The following SMG1 variants were observed in gnomAD, a reference collection of about 807,000 sequenced individuals.
SMG1 encodes the protein SMG1 nonsense mediated mRNA decay associated PI3K related kinase, also known as serine/threonine-protein kinase SMG1.
A neutral mutation model predicts 419.9 loss-of-function variants in SMG1; 22 were observed. The observed-to-expected ratio is 0.05, with a 90% CI of 0.04 to 0.07. The LOEUF (loss-of-function observed/expected upper bound fraction) is 0.07. SMG1 is among the 10% of genes least tolerant of loss of function. The probability of loss-of-function intolerance (pLI) is 1.00; values close to 1 mark genes in which losing one functional copy is unlikely to be tolerated. For synonymous variants in SMG1, 1,538 were observed against 1,553.5 expected (o/e 0.99, Z 0.23); for missense variants, 3,185 against 4,342.0 (o/e 0.73, Z 7.49).
At chr16:18,888,749 T>C (rs879505931) in intron 6 of SMG1, among the ~76,000 whole-genome samples, 2 of 149,606 alleles carry the variant, frequency 1.3e-5, no homozygotes, top group Non-Finnish European at 1.5e-5. Flanking sequence ...TATAGGCATA[T>C]AGGCCACCAC....
chr16:18,874,759 G>T (rs2925516), intron 13 of SMG1, among the ~76,000 whole-genome samples: 3 of 148,424 alleles, frequency 2.0e-5, no homozygotes, highest in African/African-American at 7.4e-5. Flanking sequence ...TCAGCTGCTC[G>T]GGAGGCTGAG....
chr16:18,834,170 A>G (rs991628143), intron 50 of SMG1, 34 bp downstream of exon 50: 1 of 1,462,552 alleles, frequency 6.8e-7, no homozygotes, highest in Admixed American at 2.0e-5. Context: ...TTCAGTATCT[A>G]AAACAAACTA....
chr16:18,925,822 A>C, intron 1 of SMG1, 128 bp downstream of exon 1: 1 of 657,178 alleles, frequency 1.5e-6, no homozygotes. Flanking sequence ...GAGGAGACCC[A>C]GGAAGCCGCG....
At position 18,872,146 on chromosome 16, in the gene SMG1, A is replaced by G. The variant is rs1362190501; in HGVS notation, c.2183+38T>C. 10 of 1,214,964 alleles carry G rather than the reference A, an allele frequency of 8.2e-6. No individual in the cohort carries two copies. In the Admixed American group the frequency reaches 1.1e-4, roughly 14 times the overall value. The allele number at this position is 1,214,964 out of a possible 1,614,324, so 75.3% of individuals were successfully genotyped here. ...TCTCAAATTATAAAGGCAAATTAAC[A>G]AAGTTAGGAATAGTTAATACTATAT... On this transcript the variant is annotated intron_variant, in intron 15 of 62. Transcript: ENST00000446231.
rs1245879148 is a variant in SMG1, at chr16:18,858,814, T to C, written c.4113+208A>G. 8 of 452,194 alleles carry C rather than the reference T, an allele frequency of 1.8e-5. 1 individual carries two copies. Among genetic ancestry groups the C allele is most frequent in the South Asian group, 7.4e-5 (2 of 27,062 alleles). 28.0% of individuals were successfully genotyped at this position (452,194 alleles called of 1,614,324 possible). On this transcript the variant is annotated intron_variant, in intron 28 of 62. Transcript: ENST00000446231. Reference sequence around the variant, plus strand: ...AATTAGAAGGAAAAAACTGAGCAATTTGCCATCCTTGAGATTATCTCAGGT... The same window carrying C: ...AATTAGAAGGAAAAAACTGAGCAATCTGCCATCCTTGAGATTATCTCAGGT...
chr16:18,810,082 T>C (rs1242296938), intron 62 of SMG1, among the ~76,000 whole-genome samples: 1 of 152,104 alleles, frequency 6.6e-6, no homozygotes, highest in Non-Finnish European at 1.5e-5. Flanking sequence ...GATGTTAAAA[T>C]TGAATTACGG....
At chr16:18,888,954 C>T (rs985946826) in intron 6 of SMG1, among the ~76,000 whole-genome samples, 2 of 151,442 alleles carry the variant, frequency 1.3e-5, no homozygotes, top group African/African-American at 4.9e-5. Flanking sequence ...TCCCAATTAG[C>T]TGAGACTACA....
rs769711052 is a variant in SMG1 at position 18,833,095 on chromosome 16, C to T, written c.8637G>A (p.Thr2879=). The part of the protein sequence containing the change: ...ALRCLMKGEY[T]LESMLHELDG... ...CCAGTTCATGCAGCATACTTTCTAA[C>T]GTGTATTCCCCTTTCATTAAACATC... Residue 2879 remains threonine, a synonymous_variant, in exon 51 of 63, where the codon ACG becomes ACA. Coordinates refer to ENST00000446231, the MANE Select transcript of SMG1 (RefSeq NM_015092.5). The T allele has an allele frequency of 1.7e-5, 28 of 1,613,878 alleles. No individual in the cohort carries two copies. The highest frequency in any genetic ancestry group is 2.3e-5 in the Non-Finnish European group (27 of 1,179,890).
chr16:18,895,145 T>C (rs533925094), intron 3 of SMG1, among the ~76,000 whole-genome samples: 14 of 152,256 alleles, frequency 9.2e-5, no homozygotes, highest in African/African-American at 3.4e-4. Flanking sequence ...GGCACTCACC[T>C]ATACAGTGAG....
intron 9 of SMG1, among the ~76,000 whole-genome samples, chr16:18,882,937 T>C (rs985647284): frequency 1.3e-5 from 2 of 152,098 alleles, no homozygotes; most frequent in African/African-American, 4.8e-5. Flanking sequence ...AGGGGAAGCA[T>C]CTCTACAAAC....
chr16:18,875,981 T>A, intron 13 of SMG1, 143 bp downstream of exon 13: 1 of 821,026 alleles, frequency 1.2e-6, no homozygotes, highest in Non-Finnish European at 1.9e-6. Flanking sequence ...CCAATTTTAT[T>A]TATCCAGGCA....
At chr16:18,898,874 T>C (rs1372045727) in intron 1 of SMG1, among the ~76,000 whole-genome samples, 1 of 152,176 alleles carries the variant, frequency 6.6e-6, no homozygotes, top group Non-Finnish European at 1.5e-5. Context: ...AAAAAAGATC[T>C]GGGCTCAAAT....
chr16:18,814,957 A>C (rs575473025), intron 60 of SMG1, among the ~76,000 whole-genome samples: 1 of 150,576 alleles, frequency 6.6e-6, no homozygotes, highest in Non-Finnish European at 1.5e-5. Context: ...GGCCTTAGAC[A>C]ATCCTCCCAC....
At chr16:18,832,452 CT>C (rs2141229010) in intron 51 of SMG1, among the ~76,000 whole-genome samples, 1 of 152,230 alleles carries the variant, frequency 6.6e-6, no homozygotes, top group South Asian at 2.1e-4. Flanking sequence ...GCTAAATAAA[CT>C]GTTTCAGGTG....
At chr16:18,882,766 A>C (rs547282547) in intron 9 of SMG1, among the ~76,000 whole-genome samples, 1 of 152,326 alleles carries the variant, frequency 6.6e-6, no homozygotes, top group East Asian at 1.9e-4. Context: ...CATGAAGAGC[A>C]AAGGGAGATT....
intron 16 of SMG1, 107 bp downstream of exon 16, chr16:18,871,257 A>C: frequency 1.8e-6 from 1 of 571,170 alleles, no homozygotes; most frequent in East Asian, 2.9e-5. Flanking sequence ...AGGATTACAC[A>C]TCTTCAGGTC....
chr16:18,836,332 T>C (rs377462281), intron 47 of SMG1, 28 bp downstream of exon 47: 63 of 1,606,512 alleles, frequency 3.9e-5, no homozygotes, highest in Admixed American at 6.7e-5. Flanking sequence ...TAGTTTCACA[T>C]GTGAATCTAA....
In SMG1 at chr16:18,885,399, C is replaced by T. The variant is rs372327064; in HGVS notation, c.948+142G>A. 1.0e-4 allele frequency: 106 copies of T among 1,028,820 alleles called. 2 individuals are homozygous for T. The highest frequency in any genetic ancestry group is 7.2e-4 in the South Asian group (55 of 76,444). The allele number at this position is 1,028,820 out of a possible 1,614,324, so 63.7% of individuals were successfully genotyped here. A position where few individuals can be genotyped will look rare whatever the true frequency, so the allele number is the denominator to read the frequency against. ...GGTATGAATGTCAGAAAGAAAAATG[C>T]GGTATTTAACCCTGGAACCTCAAAT... is the stretch of plus-strand genomic sequence containing the variant. On this transcript the variant is annotated intron_variant, in intron 7 of 62. Coordinates refer to ENST00000446231, the MANE Select transcript of SMG1 (RefSeq NM_015092.5).
In SMG1 at chr16:18,916,332, A is replaced by G. The variant is rs1310445376; in HGVS notation, c.92+9618T>C. 4.0e-5 allele frequency among the ~76,000 whole-genome samples: 6 copies of G among 151,146 alleles called. No homozygotes were observed. In the East Asian group the frequency reaches 7.9e-4, roughly 20 times the overall value. Reference sequence around the variant, plus strand: ...AGATCGAGACCATCCTGGCTAACATAGTGAAACCCCGTCTCTACCAAAAAT... The same window carrying G: ...AGATCGAGACCATCCTGGCTAACATGGTGAAACCCCGTCTCTACCAAAAAT... On this transcript the variant is annotated intron_variant, in intron 1 of 62. Coordinates refer to ENST00000446231, the MANE Select transcript of SMG1 (RefSeq NM_015092.5).
Sources: gnomAD v4.1 joint callset for allele counts (sites outside exome capture counted in the v4.1 genomes callset) on GRCh38, gnomAD v4.1.1 for gene constraint, MANE v1.5 for transcripts, NCBI Gene and HGNC (gene_info 2026-07-23, HGNC 2026-07-21) for gene names.